Variants in FLG observed in about 807,000 individuals in gnomAD.
The protein encoded by FLG is epidermal filaggrin.
FLG carries 6 observed loss-of-function variants against 3.8 expected under a neutral mutation model. The observed-to-expected ratio is 1.60, with a 90% CI of 0.87 to 3.15. The LOEUF is 3.15. Ranked by LOEUF, FLG falls within the 30% of genes most tolerant of loss-of-function variation. The probability of loss-of-function intolerance (pLI) is 0.00; values close to 1 mark genes in which losing one functional copy is unlikely to be tolerated. For synonymous variants in FLG, 2,551 were observed against 1,931.6 expected (o/e 1.32, Z -8.41); for missense variants, 7,595 against 5,050.9 (o/e 1.50, Z -15.27).
In FLG at chr1:152,308,465, G is replaced by C. The variant is rs562691182; in HGVS notation, c.6421C>G (p.His2141Asp). 1 of 1,613,784 alleles carries C rather than the reference G, an allele frequency of 6.2e-7. No individual in the cohort carries two copies. ...SQEGQDTIRGHPGPSRGGRQG... is the reference protein window; with the variant it reads ...SQEGQDTIRGDPGPSRGGRQG... ...CTTCCTCCTCTGCTTGGCCCCGGGT[G>C]TCCACGAATGGTGTCCTGACCCTCT... Residue 2141 changes from histidine to aspartate, a missense_variant, in exon 3 of 3, where the codon CAC (histidine) becomes GAC (aspartate). By Grantham distance (81) the His-to-Asp change is moderately conservative. Transcript: ENST00000368799.
Position 152,311,510 on chromosome 1 carries a change from G to A in FLG, c.3376C>T (p.Gln1126Ter). 2 of 1,613,898 alleles carry A rather than the reference G, an allele frequency of 1.2e-6. No individual in the cohort carries two copies. Among genetic ancestry groups the A allele is most frequent in the East Asian group, 2.2e-5 (1 of 44,798 alleles). Residue 1126 changes from glutamine to a stop codon, truncating the protein, a stop_gained, in exon 3 of 3, where the codon CAG becomes TAG. Transcript: ENST00000368799. LOFTEE classifies it low-confidence loss of function (END_TRUNC). The part of the protein sequence containing the change: ...SFIYQVSTHE[Q>*]SESAHGRTRT... Reference sequence around the variant, plus strand: ...GTCCGCCCATGGGCAGACTCAGACTGTTCATGAGTGCTCACCTGGTAGATG... The same window carrying A: ...GTCCGCCCATGGGCAGACTCAGACTATTCATGAGTGCTCACCTGGTAGATG...
Position 152,302,855 on chromosome 1 carries a change from T to C in FLG, c.12031A>G (p.Arg4011Gly). Residue 4011 changes from arginine (R) to glycine (G), a missense_variant, in exon 3 of 3, where the codon AGA (arginine) becomes GGA (glycine). Coordinates refer to ENST00000368799, the MANE Select transcript of FLG (RefSeq NM_002016.2). ...GCACTTGCTTTACAGATATCAGATC[T>C]TTCCTTGAAAACAACAGGATTGGAA... The part of the protein sequence containing the change: ...YNSNPVVFKE[R>G]SDICKASAFG... The C allele has an allele frequency of 1.2e-6, 2 of 1,614,230 alleles. No individual in the cohort carries two copies. Among genetic ancestry groups the C allele is most frequent in the Non-Finnish European group, 1.7e-6 (2 of 1,180,030 alleles).
rs778960079 is a variant in FLG at position 152,303,278 on chromosome 1, C to A, written c.11608G>T (p.Glu3870Ter). 3 of 1,613,906 alleles carry A rather than the reference C, an allele frequency of 1.9e-6. No homozygotes were observed. The highest frequency in any genetic ancestry group is 2.7e-5 in the African/African-American group (2 of 74,854). Residue 3870 changes from glutamate (E) to a stop codon, truncating the protein, a stop_gained, in exon 3 of 3, where the codon GAG becomes TAG. Transcript: ENST00000368799. LOFTEE classifies it low-confidence loss of function (END_TRUNC). ...GSSVSQDSDS[E>*]AYPEDSERRS... Reference sequence around the variant, plus strand: ...CTCTCAGAGTCCTCTGGGTATGCCTCACTGTCACTGTCCTGGCTAACACTG... The same window carrying A: ...CTCTCAGAGTCCTCTGGGTATGCCTAACTGTCACTGTCCTGGCTAACACTG...
Position 152,315,354 on chromosome 1 carries a change from C to A in FLG, c.103G>T (p.Glu35Ter). 6.2e-7 allele frequency: 1 copy of A among 1,613,312 alleles called. No individual in the cohort carries two copies. Among genetic ancestry groups the A allele is most frequent in the Non-Finnish European group, 8.5e-7 (1 of 1,179,544 alleles). ...TGCCGAAATTCCTTTTCCAGAAGTTCCTTCAGCTCTTTTTTACTCAATGTG... is the reference window on the plus strand; with the variant it reads ...TGCCGAAATTCCTTTTCCAGAAGTTACTTCAGCTCTTTTTTACTCAATGTG... ...TDTLSKKELK[E>*]LLEKEFRQIL... Residue 35 changes from glutamate to a stop codon, truncating the protein, a stop_gained, in exon 2 of 3, where the codon GAA (glutamate) becomes TAA (stop). Transcript: ENST00000368799. LOFTEE classifies it low-confidence loss of function (END_TRUNC).
rs756203456 is a variant in FLG, at chr1:152,309,363, A to T, written c.5523T>A (p.Ser1841=). The T allele has an allele frequency of 6.2e-7, 1 of 1,613,642 alleles. No individual in the cohort carries two copies. Among genetic ancestry groups the T allele is most frequent in the Admixed American group, 1.7e-5 (1 of 59,964 alleles). Residue 1841 remains serine (S), a synonymous_variant, in exon 3 of 3, where the codon TCT becomes TCA. Transcript: ENST00000368799. The part of the protein sequence containing the change: ...QSVDSSGHSG[S]HHSHTTSQER... ...CCTGGGACGTGGTGTGGCTGTGATG[A>T]GACCCTGAGTGTCCAGAACTATCTA...
intron 2 of FLG, chr1:152,315,081 T>C (rs1652730418): frequency 4.9e-6 from 2 of 405,702 alleles, no homozygotes; most frequent in African/African-American, 2.0e-5. Context: ...ACCAAAATAC[T>C]AAGAACTAAT....
Position 152,311,979 on chromosome 1 carries a change from G to T in FLG, c.2907C>A (p.Asn969Lys), listed in dbSNP as rs145031210. ...SERWSGSASR[N>K]HRGSAQEQSR... Reference sequence around the variant, plus strand: ...ACTGCTCCTGAGCAGATCCACGATGGTTTCTGGAAGCAGACCCAGACCACC... The same window carrying T: ...ACTGCTCCTGAGCAGATCCACGATGTTTTCTGGAAGCAGACCCAGACCACC... Residue 969 changes from asparagine to lysine, a missense_variant, in exon 3 of 3, where the codon AAC (asparagine) becomes AAA (lysine). Transcript: ENST00000368799. The T allele has an allele frequency of 3.7e-6, 6 of 1,613,844 alleles. No homozygotes were observed. The African/African-American group carries it at 6.7e-5, about 18-fold the overall frequency.
Position 152,312,500 on chromosome 1 carries a change from G to A in FLG, c.2386C>T (p.Gln796Ter). The A allele has an allele frequency of 1.9e-6, 3 of 1,613,352 alleles. No individual in the cohort carries two copies. The highest frequency in any genetic ancestry group is 2.2e-5 in the East Asian group (1 of 44,818). ...TCAGACTGTTTATGAGTGCTCACCTGGTAGAGGAAAGACCCTGAACGTCGA... is the reference window on the plus strand; with the variant it reads ...TCAGACTGTTTATGAGTGCTCACCTAGTAGAGGAAAGACCCTGAACGTCGA... ...RSRRSGSFLYQVSTHKQSESS... is the reference protein window; with the variant it reads ...RSRRSGSFLY Residue 796 changes from glutamine to a stop codon, truncating the protein, a stop_gained, in exon 3 of 3, where the codon CAG becomes TAG. Transcript: ENST00000368799. LOFTEE classifies it low-confidence loss of function (END_TRUNC).
rs771907720 is a variant in FLG at position 152,302,959 on chromosome 1, T to C, written c.11927A>G (p.His3976Arg). The change falls in exon 3 of 3, where the codon CAT (histidine) becomes CGT (arginine). Residue 3976 changes from histidine to arginine, a missense_variant. Transcript: ENST00000368799. ...ATAATCTGCACTACCATAGCTGCCA[T>C]GTCTCCAAACTAAACCTGATTGACC... The part of the protein sequence containing the change: ...QKGQSGLVWR[H>R]GSYGSADYDY... The C allele has an allele frequency of 6.2e-7, 1 of 1,614,198 alleles. No individual in the cohort carries two copies. Among genetic ancestry groups the C allele is most frequent in the African/African-American group, 1.3e-5 (1 of 75,056 alleles).
At position 152,302,919 on chromosome 1, in the gene FLG, G is replaced by C; in HGVS notation, c.11967C>G (p.Ser3989=). ...YGSADYDYGE[S]GFRHSQHGSV... Reference sequence around the variant, plus strand: ...TTCCGTGCTGAGAGTGTCTAAACCCGGATTCACCATAATCATAATCTGCAC... The same window carrying C: ...TTCCGTGCTGAGAGTGTCTAAACCCCGATTCACCATAATCATAATCTGCAC... Residue 3989 remains serine, a synonymous_variant, in exon 3 of 3, where the codon TCC becomes TCG. Transcript: ENST00000368799. 2.5e-6 allele frequency: 4 copies of C among 1,614,100 alleles called. No homozygotes were observed. The highest frequency in any genetic ancestry group is 3.4e-6 in the Non-Finnish European group (4 of 1,180,018).
rs769609196 is a variant in FLG, at chr1:152,304,486, G to T, written c.10400C>A (p.Thr3467Asn). Residue 3467 changes from threonine to asparagine, a missense_variant, in exon 3 of 3, where the codon ACC becomes AAC. Coordinates refer to ENST00000368799, the MANE Select transcript of FLG (RefSeq NM_002016.2). Reference protein sequence around the residue: ...SGHSGSHHSHTTSQGRSDASR... With the variant: ...SGHSGSHHSHNTSQGRSDASR... ...GGCATCAGACCTTCCCTGGGATGTGGTGTGGCTGTGATGGGACCCTGAGTG... is the reference window on the plus strand; with the variant it reads ...GGCATCAGACCTTCCCTGGGATGTGTTGTGGCTGTGATGGGACCCTGAGTG... The T allele has an allele frequency of 1.3e-5, 21 of 1,612,780 alleles. 1 individual carries two copies. The highest frequency in any genetic ancestry group is 1.7e-5 in the Non-Finnish European group (20 of 1,179,680).
Position 152,307,630 on chromosome 1 carries a change from C to A in FLG, c.7256G>T (p.Ser2419Ile). The change falls in exon 3 of 3, where the codon AGC (serine) becomes ATC (isoleucine). Residue 2419 changes from serine (S) to isoleucine (I), a missense_variant. Physicochemically the swap from Ser to Ile is moderately radical, Grantham distance 142. Transcript: ENST00000368799. ...GGCGGACTCAGACTGTTCATGAGTG[C>A]TCACCTGGTAGAGGAAAGACCCTGA... ...GRSGSFLYQVSTHEQSESAHG... is the reference protein window; with the variant it reads ...GRSGSFLYQVITHEQSESAHG... 1 of 1,613,632 alleles carries A rather than the reference C, an allele frequency of 6.2e-7. No homozygotes were observed.
At position 152,307,419 on chromosome 1, in the gene FLG, C is replaced by T; in HGVS notation, c.7467G>A (p.Gly2489=). The T allele has an allele frequency of 1.9e-6, 3 of 1,613,182 alleles. No individual in the cohort carries two copies. Among genetic ancestry groups the T allele is most frequent in the Non-Finnish European group, 1.7e-6 (2 of 1,179,684 alleles). ...EQLVDRSGHS[G]SHHSHTTSQG... is the part of the protein sequence containing the mutation. The stretch of plus-strand genomic sequence containing the variant: ...GGGATGTGGTGTGGCTGTGATGAGA[C>T]CCTGAGTGTCCAGATCTATCTACCA... Residue 2489 remains glycine (G), a synonymous_variant, in exon 3 of 3, where the codon GGG becomes GGA. Coordinates refer to ENST00000368799, the MANE Select transcript of FLG (RefSeq NM_002016.2).
chr1:152,322,198 C>T (rs909163801), intron 1 of FLG, among the ~76,000 whole-genome samples: 1 of 150,924 alleles, frequency 6.6e-6, no homozygotes, highest in Non-Finnish European at 1.5e-5. Flanking sequence ...ACTAGTATGC[C>T]TGCATCATCC....
intron 1 of FLG, among the ~76,000 whole-genome samples, chr1:152,317,458 T>G (rs1408351004): frequency 6.6e-6 from 1 of 152,114 alleles, no homozygotes; most frequent in East Asian, 1.9e-4. Context: ...CACATATCCA[T>G]TTTTATTTTA....
At position 152,315,447 on chromosome 1, in the gene FLG, G is replaced by C. The variant is rs1022554255; in HGVS notation, c.10C>G (p.Leu4Val). The C allele has an allele frequency of 2.5e-6, 4 of 1,611,394 alleles. No individual in the cohort carries two copies. The African/African-American group carries it at 4.0e-5, about 16-fold the overall frequency. ...ATTATGGCAAAGATGTTTTCCAGGA[G>C]AGTAGACATCTTTTGGCAATAAATG... The part of the protein sequence containing the change: MST[L>V]LENIFAIINL... The change falls in exon 2 of 3, where the codon CTC becomes GTC. Residue 4 changes from leucine to valine, a missense_variant. Coordinates refer to ENST00000368799, the MANE Select transcript of FLG (RefSeq NM_002016.2).
In FLG at chr1:152,307,452, G is replaced by A. The variant is rs144157090; in HGVS notation, c.7434C>T (p.Tyr2478=). The change falls in exon 3 of 3, where the codon TAC becomes TAT. Residue 2478 remains tyrosine, a synonymous_variant. Transcript: ENST00000368799. ...GTCCAGATCTATCTACCAATTGCTC[G>A]TAGTGGGATCCCTGCCTTCCTCCAC... The part of the protein sequence containing the change: ...SSSGGRQGSH[Y]EQLVDRSGHS... 8.6e-5 allele frequency: 139 copies of A among 1,613,138 alleles called. No homozygotes were observed. Among genetic ancestry groups the A allele is most frequent in the African/African-American group, 2.5e-4 (19 of 74,858 alleles).
Position 152,302,647 on chromosome 1 carries a change from G to A in FLG, c.*53C>T. The A allele has an allele frequency of 8.7e-6, 14 of 1,602,326 alleles. No homozygotes were observed. Among genetic ancestry groups the A allele is most frequent in the Non-Finnish European group, 1.2e-5 (14 of 1,174,470 alleles). ...GTATTATGAAGTTTCTTGATTGAAA[G>A]TGAACTTGCTTCATTCTTCTATTCT... On this transcript the variant is annotated 3_prime_UTR_variant, in exon 3 of 3. Transcript: ENST00000368799.
chr1:152,308,681 G>T lies in FLG; in HGVS notation c.6205C>A (p.Gln2069Lys), dbSNP rs141923137. ...VSAQGKAGPH[Q>K]QSHKESARGQ... Reference sequence around the variant, plus strand: ...CGTGCGGACTCTTTGTGGCTCTGCTGATGGGGCCCAGCTTTTCCCTGTGCT... The same window carrying T: ...CGTGCGGACTCTTTGTGGCTCTGCTTATGGGGCCCAGCTTTTCCCTGTGCT... Residue 2069 changes from glutamine to lysine, a missense_variant, in exon 3 of 3, where the codon CAG (glutamine) becomes AAG (lysine). Coordinates refer to ENST00000368799, the MANE Select transcript of FLG (RefSeq NM_002016.2). 137 of 1,614,138 alleles carry T rather than the reference G, an allele frequency of 8.5e-5. No homozygotes were observed. In the African/African-American group the frequency reaches 9.7e-4, roughly 11 times the overall value.
Sources: allele counts gnomAD v4.1 joint callset (sites outside exome capture counted in the v4.1 genomes callset), GRCh38; gene constraint gnomAD v4.1.1; transcripts MANE v1.5; gene names NCBI Gene and HGNC (gene_info 2026-07-23, HGNC 2026-07-21).